The following EFCAB5 variants were observed in gnomAD, a reference collection of about 807,000 sequenced individuals.
The protein encoded by EFCAB5 is EF-hand calcium binding domain 5.
EFCAB5 carries 131 observed loss-of-function variants against 167.9 expected under a neutral mutation model. The ratio of observed to expected loss-of-function variants is 0.78; its 90% confidence interval spans 0.68 to 0.90. EFCAB5 has a LOEUF of 0.90. Among genes scored for constraint, EFCAB5 ranks in the 40% least tolerant of loss-of-function variants. The pLI is 0.00. For synonymous variants in EFCAB5, 574 were observed against 602.8 expected (o/e 0.95, Z 0.70); for missense variants, 1,663 against 1,745.2 (o/e 0.95, Z 0.84).
intron 14 of EFCAB5, among the ~76,000 whole-genome samples, chr17:30,075,046 A>G (rs979955138): frequency 3.3e-5 from 5 of 152,128 alleles, no homozygotes; most frequent in African/African-American, 4.8e-5. Flanking sequence ...CACACTGGTA[A>G]TTCCAAGTCT....
intron 22 of EFCAB5, among the ~76,000 whole-genome samples, chr17:30,096,868 C>T (rs1488194413): frequency 4.1e-5 from 6 of 145,850 alleles, no homozygotes; most frequent in East Asian, 2.0e-4. Flanking sequence ...TTAGTAGAGA[C>T]GGGGTTGCAC....
At chr17:29,969,420 T>C (rs2151579543) in intron 4 of EFCAB5, 53 bp downstream of exon 4, 3 of 1,407,976 alleles carry the variant, frequency 2.1e-6, no homozygotes, top group Non-Finnish European at 2.8e-6. Context: ...ATTGAAAAAC[T>C]AGTAGAAAAA....
intron 8 of EFCAB5, among the ~76,000 whole-genome samples, chr17:30,035,402 AG>A (rs1459163564): frequency 6.6e-6 from 1 of 152,236 alleles, no homozygotes; most frequent in African/African-American, 2.4e-5. Context: ...TTCAAGCAGT[AG>A]TTATATGCTG....
intron 8 of EFCAB5, among the ~76,000 whole-genome samples, chr17:30,047,062 A>G (rs1218231233): frequency 6.6e-6 from 1 of 152,188 alleles, no homozygotes; most frequent in Non-Finnish European, 1.5e-5. Context: ...ATTTATCAGT[A>G]TTGCTATACT....
intron 4 of EFCAB5, among the ~76,000 whole-genome samples, chr17:29,985,962 A>G (rs907760326): frequency 6.6e-6 from 1 of 152,202 alleles, no homozygotes; most frequent in Non-Finnish European, 1.5e-5. Context: ...TACTTCTTTC[A>G]GTAGTCAGGA....
intron 1 of EFCAB5, 81 bp from the exon 2 acceptor site, chr17:29,942,159 C>G: frequency 1.7e-6 from 2 of 1,199,044 alleles, no homozygotes; most frequent in Non-Finnish European, 1.2e-6. Flanking sequence ...AAATTAAAAG[C>G]TTACTGTATT....
intron 22 of EFCAB5, among the ~76,000 whole-genome samples, chr17:30,101,837 T>G (rs2071386787): frequency 6.6e-6 from 1 of 152,320 alleles, no homozygotes; most frequent in Middle Eastern, 3.4e-3. Flanking sequence ...AAGTTGACAA[T>G]GTTGAAGACA....
chr17:30,045,443 G>C (rs1168465973), intron 8 of EFCAB5, among the ~76,000 whole-genome samples: 1 of 132,444 alleles, frequency 7.6e-6, no homozygotes, highest in Non-Finnish European at 1.5e-5. Flanking sequence ...GGGCGACAGA[G>C]CTAGGCTCTG....
intron 7 of EFCAB5, among the ~76,000 whole-genome samples, chr17:30,003,957 AG>A (rs2068721528): frequency 6.6e-6 from 1 of 152,212 alleles, no homozygotes; most frequent in African/African-American, 2.4e-5. Flanking sequence ...TCTCACAACT[AG>A]GGAAATGAGG....
In EFCAB5 at chr17:29,969,009, G is replaced by A. The variant is rs776957245; in HGVS notation, c.409G>A (p.Glu137Lys). 67 of 1,588,320 alleles carry A rather than the reference G, an allele frequency of 4.2e-5. No individual in the cohort carries two copies. Among genetic ancestry groups the A allele is most frequent in the South Asian group, 5.9e-5 (5 of 85,448 alleles). The change falls in exon 4 of 23, where the codon GAA (glutamate) becomes AAA (lysine). Residue 137 changes from glutamate to lysine, a missense_variant. By Grantham distance (56) the Glu-to-Lys change is moderately conservative. Coordinates refer to ENST00000394835, the MANE Select transcript of EFCAB5 (RefSeq NM_198529.4). ...QAMQQKIIDK[E>K]NLKKELEKKA... ...AATGCAGCAGAAAATAATAGATAAG[G>A]AAAATCTGAAGAAGGAACTAGAAAA... is the stretch of plus-strand genomic sequence containing the variant.
chr17:30,021,487 C>T (rs2069178844), intron 7 of EFCAB5, among the ~76,000 whole-genome samples: 1 of 147,940 alleles, frequency 6.8e-6, no homozygotes, highest in Admixed American at 6.8e-5. Context: ...AAACAACACA[C>T]AAATGAGAAA....
chr17:29,982,290 G>A (rs915013289), intron 4 of EFCAB5, among the ~76,000 whole-genome samples: 3 of 152,110 alleles, frequency 2.0e-5, no homozygotes, highest in Admixed American at 1.3e-4. Context: ...AAAATTAGCC[G>A]GGAGGCTGAG....
chr17:30,041,929 T>C (rs983511705), intron 8 of EFCAB5, among the ~76,000 whole-genome samples: 6 of 152,200 alleles, frequency 3.9e-5, no homozygotes, highest in Non-Finnish European at 1.5e-5. Context: ...GTACTTTTTT[T>C]AGGCAATTAA....
At chr17:30,059,510 A>T (rs779805142) in intron 13 of EFCAB5, 35 bp from the exon 14 acceptor site, 3 of 1,544,220 alleles carry the variant, frequency 1.9e-6, no homozygotes, top group Non-Finnish European at 2.6e-6. Flanking sequence ...ATGAACATAT[A>T]TCTTCCGTGC....
At position 29,969,361 on chromosome 17, in the gene EFCAB5, G is replaced by T. The variant is rs1329457516; in HGVS notation, c.761G>T (p.Cys254Phe). The change falls in exon 4 of 23, where the codon TGC (cysteine) becomes TTC (phenylalanine). Residue 254 changes from cysteine to phenylalanine, a missense_variant. Physicochemically the swap from Cys to Phe is radical, Grantham distance 205 (BLOSUM62 -2). Transcript: ENST00000394835. ...AAGATATATGTTCCTGACACTATCT[G>T]CAACAGGTACAATCTGTTATAGTTT... ...DLKIYVPDTI[C>F]NRVSKMKENV... The T allele has an allele frequency of 1.0e-5, 16 of 1,581,914 alleles. No homozygotes were observed. The highest frequency in any genetic ancestry group is 1.4e-5 in the Non-Finnish European group (16 of 1,166,444).
rs575631433 is a variant in EFCAB5, at chr17:29,985,983, C to T, written c.768-7182C>T. ...TTTCAGTAGTCAGGATCTGCATCTACAGACTATACAAAGACAAACAATACA... is the reference window on the plus strand; with the variant it reads ...TTTCAGTAGTCAGGATCTGCATCTATAGACTATACAAAGACAAACAATACA... On this transcript the variant is annotated intron_variant, in intron 4 of 22. Coordinates refer to ENST00000394835, the MANE Select transcript of EFCAB5 (RefSeq NM_198529.4). Among the ~76,000 whole-genome samples, 12 of 152,318 alleles carry T rather than the reference C, an allele frequency of 7.9e-5. No individual in the cohort carries two copies. In the East Asian group the frequency reaches 1.9e-3, roughly 24 times the overall value.
chr17:30,072,671 T>G (rs543710183), intron 14 of EFCAB5, among the ~76,000 whole-genome samples: 4 of 152,350 alleles, frequency 2.6e-5, no homozygotes, highest in African/African-American at 9.6e-5. Context: ...ATTCAGGTTA[T>G]TCATCTTTGT....
chr17:30,092,762 T>C (rs867485151), intron 21 of EFCAB5, 78 bp from the exon 22 acceptor site: 8 of 932,480 alleles, frequency 8.6e-6, no homozygotes, highest in Middle Eastern at 2.5e-4. Context: ...TAAATGGAAT[T>C]ATGTAAGCTG....
intron 6 of EFCAB5, among the ~76,000 whole-genome samples, chr17:29,998,525 G>GAGAC (rs1328633716): frequency 6.6e-6 from 1 of 152,208 alleles, no homozygotes; most frequent in Non-Finnish European, 1.5e-5. Flanking sequence ...ACTCCAGTCA[G>GAGAC]AGACAGACAG....
Sources: gnomAD v4.1 joint callset for allele counts (sites outside exome capture counted in the v4.1 genomes callset) on GRCh38, gnomAD v4.1.1 for gene constraint, MANE v1.5 for transcripts, NCBI Gene and HGNC (gene_info 2026-07-23, HGNC 2026-07-21) for gene names.